The following MGLL variants were observed in gnomAD, a reference collection of about 807,000 sequenced individuals.
The protein encoded by MGLL is lysophospholipase homolog.
A neutral mutation model predicts 29.1 loss-of-function variants in MGLL; 7 were observed. The observed-to-expected ratio is 0.24, with a 90% CI of 0.14 to 0.45. The LOEUF (loss-of-function observed/expected upper bound fraction) is 0.45. MGLL is among the 20% of genes least tolerant of loss of function. The pLI is 0.99. For synonymous variants in MGLL, 148 were observed against 168.3 expected (o/e 0.88, Z 0.93); for missense variants, 356 against 413.6 (o/e 0.86, Z 1.21).
At chr3:127,742,835 G>A (rs897462739) in intron 3 of MGLL, among the ~76,000 whole-genome samples, 1 of 152,192 alleles carries the variant, frequency 6.6e-6, no homozygotes, top group Non-Finnish European at 1.5e-5. Flanking sequence ...GTGGCCGCTT[G>A]AGCCATTTCT....
intron 3 of MGLL, among the ~76,000 whole-genome samples, chr3:127,774,145 G>A (rs2076994422): frequency 6.6e-6 from 1 of 152,204 alleles, no homozygotes; most frequent in African/African-American, 2.4e-5. Context: ...CTCACCTGCT[G>A]TTCTGTCTAA....
intron 3 of MGLL, among the ~76,000 whole-genome samples, chr3:127,772,699 G>A (rs1047970768): frequency 6.6e-6 from 1 of 152,292 alleles, no homozygotes; most frequent in African/African-American, 2.4e-5. Context: ...GCTGTGGTGG[G>A]AATGTTTGTC....
intron 3 of MGLL, chr3:127,735,673 G>T (rs774363126): frequency 6.3e-7 from 1 of 1,583,146 alleles, no homozygotes; most frequent in Non-Finnish European, 8.6e-7. Flanking sequence ...TCATCAAGTT[G>T]TTGGGGGAAT....
chr3:127,739,958 GAC>G (rs2076308274), intron 3 of MGLL, among the ~76,000 whole-genome samples: 1 of 152,174 alleles, frequency 6.6e-6, no homozygotes, highest in African/African-American at 2.4e-5. Context: ...CCTGGGGCCA[GAC>G]ACACACACAG....
At chr3:127,805,497 A>C (rs2077550502) in intron 2 of MGLL, among the ~76,000 whole-genome samples, 1 of 152,092 alleles carries the variant, frequency 6.6e-6, no homozygotes, top group South Asian at 2.1e-4. Flanking sequence ...TGGCATTCCT[A>C]ACTGTGGGAC....
chr3:127,774,612 C>T (rs1301288234), intron 3 of MGLL, among the ~76,000 whole-genome samples: 1 of 152,196 alleles, frequency 6.6e-6, no homozygotes, highest in Non-Finnish European at 1.5e-5. Flanking sequence ...CAAAGTCTCC[C>T]TGCACCTTTC....
At chr3:127,815,248 A>G (rs984569233) in intron 2 of MGLL, among the ~76,000 whole-genome samples, 1 of 152,190 alleles carries the variant, frequency 6.6e-6, no homozygotes, top group Non-Finnish European at 1.5e-5. Context: ...AATGACCCGC[A>G]GCTTGCGATG....
chr3:127,707,017 C>G (rs1042724493), intron 6 of MGLL, among the ~76,000 whole-genome samples: 1 of 152,114 alleles, frequency 6.6e-6, no homozygotes, highest in African/African-American at 2.4e-5. Flanking sequence ...TCCGAAACAC[C>G]GGGCAGAGGA....
At chr3:127,817,897 C>T (rs894465807) in intron 2 of MGLL, among the ~76,000 whole-genome samples, 1 of 152,262 alleles carries the variant, frequency 6.6e-6, no homozygotes, top group Non-Finnish European at 1.5e-5. Flanking sequence ...TGCCCCCATC[C>T]ATGGGCCAGT....
intron 2 of MGLL, among the ~76,000 whole-genome samples, chr3:127,793,538 G>C (rs1258718341): frequency 6.6e-6 from 1 of 152,136 alleles, no homozygotes; most frequent in Non-Finnish European, 1.5e-5. Flanking sequence ...CTGCATAAGT[G>C]GGTCTTATTT....
intron 3 of MGLL, among the ~76,000 whole-genome samples, chr3:127,779,020 G>A (rs1421021482): frequency 6.6e-6 from 1 of 152,186 alleles, no homozygotes; most frequent in Non-Finnish European, 1.5e-5. Flanking sequence ...CTCCCAAAGT[G>A]CTGGGACTAC....
chr3:127,715,680 C>T (rs1559917768), intron 5 of MGLL: 1 of 456,614 alleles, frequency 2.2e-6, no homozygotes, highest in Admixed American at 2.3e-5. Context: ...TGAGCAGGGG[C>T]CATTGAGGCG....
chr3:127,761,817 A>G lies in MGLL; in HGVS notation c.262+19972T>C, dbSNP rs2076770239. 1.3e-5 allele frequency among the ~76,000 whole-genome samples: 2 copies of G among 152,048 alleles called. No homozygotes were observed. Among genetic ancestry groups the G allele is most frequent in the Non-Finnish European group, 2.9e-5 (2 of 68,002 alleles). ...GACTCCAGGCAGAGCTTCATTCTCA[A>G]ATGCCCAGACAAGCACTAAATATGC... On this transcript the variant is annotated intron_variant, in intron 3 of 7. Transcript: ENST00000265052. The surrounding 1 kb of genome is among the most constrained non-coding windows in gnomAD (Gnocchi z 4.6).
Position 127,700,028 on chromosome 3 carries a change from G to A in MGLL, c.601-4838C>T, listed in dbSNP as rs531474437. 3.9e-5 allele frequency among the ~76,000 whole-genome samples: 6 copies of A among 152,268 alleles called. No individual in the cohort carries two copies. In the South Asian group the frequency reaches 8.3e-4, roughly 21 times the overall value. On this transcript the variant is annotated intron_variant, in intron 6 of 7. Transcript: ENST00000265052. ...ATCTCCTCCCTTTTCCTACGGAAGC[G>A]TCACCCTTCCACCTGGGCTTTAGAG...
chr3:127,722,667 C>T, intron 3 of MGLL, 101 bp from the exon 4 acceptor site: 1 of 1,476,756 alleles, frequency 6.8e-7, no homozygotes, highest in South Asian at 1.2e-5. Context: ...TCCTGAGCGC[C>T]TGAATGTGTC....
intron 2 of MGLL, among the ~76,000 whole-genome samples, chr3:127,809,579 T>C (rs2077625514): frequency 6.6e-6 from 1 of 151,904 alleles, no homozygotes; most frequent in South Asian, 2.1e-4. Flanking sequence ...TGAGCTATGA[T>C]TGAGCCAACA....
At chr3:127,730,816 G>A (rs556103698) in intron 3 of MGLL, among the ~76,000 whole-genome samples, 1 of 152,308 alleles carries the variant, frequency 6.6e-6, no homozygotes, top group East Asian at 1.9e-4. Context: ...TAAGGTGAGT[G>A]TGGCTGGATG....
intron 2 of MGLL, chr3:127,799,319 A>G (rs2077438262): frequency 6.6e-6 from 1 of 152,186 alleles, no homozygotes; most frequent in Non-Finnish European, 1.5e-5. Flanking sequence ...TTAGGATCAG[A>G]AGAGCCGGGC....
intron 2 of MGLL, among the ~76,000 whole-genome samples, chr3:127,809,804 G>A (rs1229393911): frequency 6.6e-6 from 1 of 152,168 alleles, no homozygotes; most frequent in Admixed American, 6.5e-5. Context: ...CAGGTGGCCT[G>A]TGGGGCTTGC....
Sources: allele counts gnomAD v4.1 joint callset (sites outside exome capture counted in the v4.1 genomes callset), GRCh38; gene constraint gnomAD v4.1.1; non-coding constraint Gnocchi (gnomAD v3.1); transcripts MANE v1.5; gene names NCBI Gene and HGNC (gene_info 2026-07-23, HGNC 2026-07-21).